The following GRM7 variants were observed in gnomAD, a reference collection of about 807,000 sequenced individuals.
The protein encoded by GRM7 is metabotropic glutamate receptor 7.
In GRM7, 35 loss-of-function variants were observed where a neutral mutation model predicts 84.5. The observed-to-expected ratio is 0.41, with a 90% CI of 0.32 to 0.55. GRM7 has a LOEUF of 0.55. Among genes scored for constraint, GRM7 ranks in the 20% least tolerant of loss-of-function variants. GRM7 has a pLI of 0.19. For synonymous variants in GRM7, 487 were observed against 455.1 expected, an observed-to-expected ratio of 1.07 and a Z score of -0.89; for missense variants, 1,003 against 1,194.6, an observed-to-expected ratio of 0.84 and a Z score of 2.36.
intron 1 of GRM7, among the ~76,000 whole-genome samples, chr3:6,995,060 G>A (rs7638164): frequency 0.083 from 4,453 of 53,586 alleles, 154 homozygotes; most frequent in African/African-American, 0.15. Context: ...CTTTCCACAC[G>A]CTCTTATTCA....
intron 4 of GRM7, among the ~76,000 whole-genome samples, chr3:7,395,277 T>C (rs1245081889): frequency 1.3e-5 from 2 of 152,182 alleles, no homozygotes; most frequent in Non-Finnish European, 2.9e-5. Context: ...TGATGATGTA[T>C]CTATGATGAT....
At chr3:7,375,368 G>A (rs116152281) in intron 4 of GRM7, among the ~76,000 whole-genome samples, 10,211 of 151,804 alleles carry the variant, frequency 0.067, 360 homozygotes, top group African/African-American at 0.08. Flanking sequence ...ACAGGCGTGC[G>A]CTTCCATGCC....
rs370646799 is a variant in GRM7 at position 6,927,670 on chromosome 3, TCTA to T, written c.519+65766_519+65768del. On this transcript the variant is annotated intron_variant, in intron 1 of 9. Transcript: ENST00000357716. ...ATTTATGTTCATATGCATATGTAAATCTACTCATTTTATACACAGTTTAATAAT... is the reference window on the plus strand; with the variant it reads ...ATTTATGTTCATATGCATATGTAAATCTCATTTTATACACAGTTTAATAAT... Among the ~76,000 whole-genome samples, 227 of 152,310 alleles carry T rather than the reference TCTA, an allele frequency of 1.5e-3. 1 individual carries two copies. Among genetic ancestry groups the T allele is most frequent in the African/African-American group, 5.2e-3 (216 of 41,572 alleles).
intron 4 of GRM7, among the ~76,000 whole-genome samples, chr3:7,326,518 G>A (rs1700994036): frequency 1.3e-5 from 2 of 152,054 alleles, no homozygotes; most frequent in African/African-American, 4.8e-5. Flanking sequence ...CAAGAGAAAG[G>A]AAAAGATATT....
chr3:6,988,890 G>A lies in GRM7; in HGVS notation c.519+126983G>A, dbSNP rs182929515. ...GGCCACATAAGTAAATATTCTTAAG[G>A]CAATGTTTCTCAAAGGCTCAATTTG... On this transcript the variant is annotated intron_variant, in intron 1 of 9. Transcript: ENST00000357716. 3.7e-4 allele frequency among the ~76,000 whole-genome samples: 56 copies of A among 152,212 alleles called. No homozygotes were observed. In the East Asian group the frequency reaches 7.1e-3, roughly 19 times the overall value.
At chr3:7,130,417 C>T (rs958721984) in intron 1 of GRM7, among the ~76,000 whole-genome samples, 1 of 151,922 alleles carries the variant, frequency 6.6e-6, no homozygotes, top group Admixed American at 6.6e-5. Context: ...GTGGCAGGCA[C>T]CTGTAATCCC....
At chr3:7,426,950 G>T (rs953774907) in intron 5 of GRM7, among the ~76,000 whole-genome samples, 7 of 152,206 alleles carry the variant, frequency 4.6e-5, no homozygotes, top group African/African-American at 1.7e-4. Flanking sequence ...GAGATGATTT[G>T]TGCTTGTGTT....
At chr3:7,101,506 T>C (rs2125022151) in intron 1 of GRM7, among the ~76,000 whole-genome samples, 1 of 151,780 alleles carries the variant, frequency 6.6e-6, no homozygotes, top group Non-Finnish European at 1.5e-5. Flanking sequence ...CAGGATATAA[T>C]TTTGCATTTA....
chr3:6,901,604 TAAAAAAAAAAAAAAAA>T (rs33945077), intron 1 of GRM7, among the ~76,000 whole-genome samples: 22 of 40,502 alleles, frequency 5.4e-4, no homozygotes, highest in South Asian at 1.4e-3. Flanking sequence ...AGACTCCGTC[TAAAAAAAAAAAAAAAA>T]AAAAAAAAAA....
intron 7 of GRM7, among the ~76,000 whole-genome samples, chr3:7,503,079 C>A (rs954415557): frequency 6.6e-6 from 1 of 152,106 alleles, no homozygotes; most frequent in Non-Finnish European, 1.5e-5. Context: ...TGTCTACTTA[C>A]AATCACAAGG....
chr3:7,550,252 C>T (rs1006649584), intron 7 of GRM7, among the ~76,000 whole-genome samples: 3 of 151,074 alleles, frequency 2.0e-5, no homozygotes, highest in African/African-American at 7.3e-5. Context: ...ACTTTCTCTC[C>T]TCCTCCTCCT....
At chr3:7,652,694 C>T (rs568071741) in intron 8 of GRM7, among the ~76,000 whole-genome samples, 1 of 152,302 alleles carries the variant, frequency 6.6e-6, no homozygotes, top group South Asian at 2.1e-4. Context: ...TTGACTGAAA[C>T]CACCCATTAT....
chr3:7,184,539 T>A (rs920044367), intron 2 of GRM7, among the ~76,000 whole-genome samples: 3 of 152,136 alleles, frequency 2.0e-5, no homozygotes, highest in African/African-American at 4.8e-5. Context: ...ATATAATTCT[T>A]TTCTGTTCTC....
At chr3:7,199,764 T>C (rs1409995356) in intron 2 of GRM7, among the ~76,000 whole-genome samples, 1 of 152,206 alleles carries the variant, frequency 6.6e-6, no homozygotes, top group African/African-American at 2.4e-5. Context: ...CCATGATTTA[T>C]AACTTAGGTG....
Position 7,027,767 on chromosome 3 carries a change from G to A in GRM7, c.520-118685G>A, listed in dbSNP as rs570233411. Among the ~76,000 whole-genome samples the A allele has an allele frequency of 5.7e-4, 86 of 152,110 alleles. 1 individual carries two copies. Among genetic ancestry groups the A allele is most frequent in the Non-Finnish European group, 1.0e-3 (71 of 67,970 alleles). On this transcript the variant is annotated intron_variant, in intron 1 of 9. Coordinates refer to ENST00000357716, the MANE Select transcript of GRM7 (RefSeq NM_000844.4). ...CACCTGAGACTTCCCTCCCTGTTAT[G>A]CGTTGTGTTTCAACCATCGTTCTTT...
intron 1 of GRM7, among the ~76,000 whole-genome samples, chr3:6,991,418 G>T (rs1014206003): frequency 6.6e-6 from 1 of 152,104 alleles, no homozygotes; most frequent in Non-Finnish European, 1.5e-5. Context: ...AAATGTGAAC[G>T]TTGCAAGAAC....
At chr3:7,440,372 C>G (rs1021360767) in intron 5 of GRM7, among the ~76,000 whole-genome samples, 2 of 152,148 alleles carry the variant, frequency 1.3e-5, no homozygotes, top group Middle Eastern at 3.2e-3. Context: ...TCTAGTCACA[C>G]AGAGAAAATA....
In GRM7 at chr3:7,693,690, G is replaced by T. The variant is rs372617271; in HGVS notation, c.2698+13395G>T. The T allele has an allele frequency of 7.9e-6, 12 of 1,516,544 alleles. No homozygotes were observed. The East Asian group carries it at 1.7e-4, about 22-fold the overall frequency. 93.9% of individuals were successfully genotyped at this position (1,516,544 alleles called of 1,614,324 possible). On this transcript the variant is annotated intron_variant, in intron 9 of 9. Transcript: ENST00000357716. ...CTGGCATCTAGTCAAGCGATTGTCT[G>T]AGGCAAGTATCTGTCCTTCTAAGTG... is the stretch of plus-strand genomic sequence containing the variant.
At chr3:7,481,992 T>C (rs2124938271) in intron 7 of GRM7, among the ~76,000 whole-genome samples, 1 of 152,148 alleles carries the variant, frequency 6.6e-6, no homozygotes, top group African/African-American at 2.4e-5. Context: ...ATCGAGACCA[T>C]CCTGGCTAAC....
Sources: allele counts gnomAD v4.1 joint callset (sites outside exome capture counted in the v4.1 genomes callset), GRCh38; gene constraint gnomAD v4.1.1; transcripts MANE v1.5; gene names NCBI Gene and HGNC (gene_info 2026-07-23, HGNC 2026-07-21).